Variants in CA10 observed in about 807,000 individuals in gnomAD.
The protein encoded by CA10 is carbonic anhydrase 10 (inactive), also known as carbonic anhydrase-related protein 10.
CA10 carries 14 observed loss-of-function variants against 44.2 expected under a neutral mutation model. The observed-to-expected ratio is 0.32, with a 90% CI of 0.21 to 0.50. The LOEUF (loss-of-function observed/expected upper bound fraction) is 0.50. Among genes scored for constraint, CA10 ranks in the 20% least tolerant of loss-of-function variants. The pLI is 0.99. For missense variants in CA10, 350 were observed against 409.7 expected (o/e 0.85, Z 1.26); for synonymous variants, 159 against 141.6 (o/e 1.12, Z -0.87).
intron 3 of CA10, among the ~76,000 whole-genome samples, chr17:51,914,018 T>C (rs202120): frequency 0.68 from 102,965 of 151,980 alleles, 35,230 homozygotes; most frequent in Non-Finnish European, 0.71. Context: ...TGAAATGACT[T>C]AAAGGATGAC....
At chr17:52,026,181 T>G (rs968218977) in intron 2 of CA10, among the ~76,000 whole-genome samples, 3 of 152,128 alleles carry the variant, frequency 2.0e-5, no homozygotes, top group African/African-American at 7.2e-5. Context: ...CCAAAGGGTC[T>G]TCCACTGAGG....
Position 52,158,062 on chromosome 17 carries a change from GTCTCT to G in CA10, c.-281_-277del. The G allele has an allele frequency of 1.8e-6, 1 of 540,794 alleles. No homozygotes were observed. Among genetic ancestry groups the G allele is most frequent in the Non-Finnish European group, 3.3e-6 (1 of 302,730 alleles). 33.5% of individuals were successfully genotyped at this position (540,794 alleles called of 1,614,324 possible). ...GCCTTGGAGGTCTCCCCGCTCGCGT[GTCTCT>G]TCTCTTCGCACCAGCGGCGGAAACC... On this transcript the variant is annotated 5_prime_UTR_variant, in exon 1 of 9. The change abolishes the stop of an existing upstream ORF in the 5' untranslated region. Transcript: ENST00000451037.
chr17:51,658,764 C>A (rs1353150130), intron 4 of CA10, among the ~76,000 whole-genome samples: 1 of 152,186 alleles, frequency 6.6e-6, no homozygotes, highest in Non-Finnish European at 1.5e-5. Context: ...AAAGATCTCT[C>A]TGGTGTGGAG....
At chr17:51,814,289 T>C (rs1907483464) in intron 3 of CA10, among the ~76,000 whole-genome samples, 1 of 152,234 alleles carries the variant, frequency 6.6e-6, no homozygotes, top group South Asian at 2.1e-4. Context: ...AAGTGTCTTC[T>C]TAATCTCTTC....
intron 3 of CA10, among the ~76,000 whole-genome samples, chr17:51,754,421 ATATATATATATATATATATATATATATC>A (rs1242242657): frequency 5.1e-5 from 4 of 78,400 alleles, no homozygotes; most frequent in Non-Finnish European, 8.3e-5. Context: ...ATATATATAT[ATATATATATATATATATATATATATATC>A]ACGTAAAATA....
intron 1 of CA10, among the ~76,000 whole-genome samples, chr17:52,102,203 T>C (rs1988556143): frequency 1.3e-5 from 2 of 152,184 alleles, no homozygotes; most frequent in Non-Finnish European, 1.5e-5. Flanking sequence ...ACACCAAGAT[T>C]CTCAGGAAAA....
chr17:51,815,024 T>C (rs1230094713), intron 3 of CA10, among the ~76,000 whole-genome samples: 1 of 152,136 alleles, frequency 6.6e-6, no homozygotes, highest in Non-Finnish European at 1.5e-5. Context: ...CTGAGTTGCG[T>C]TGAACATTCC....
chr17:52,102,503 A>C (rs764574998), intron 1 of CA10, among the ~76,000 whole-genome samples: 12 of 152,246 alleles, frequency 7.9e-5, no homozygotes, highest in Non-Finnish European at 1.3e-4. Context: ...ATAAATGCCA[A>C]CATTAAGAAA....
chr17:52,007,022 A>C (rs1985624150), intron 2 of CA10, among the ~76,000 whole-genome samples: 1 of 151,668 alleles, frequency 6.6e-6, no homozygotes, highest in Non-Finnish European at 1.5e-5. Context: ...TGTAGTCATT[A>C]TTATCAATGG....
At chr17:51,715,234 GA>G (rs1916065060) in intron 4 of CA10, among the ~76,000 whole-genome samples, 4 of 152,046 alleles carry the variant, frequency 2.6e-5, no homozygotes, top group South Asian at 2.1e-4. Context: ...GGGGTGGAGG[GA>G]GGGATAGCAT....
chr17:51,812,420 A>AT (rs1907406649), intron 3 of CA10, among the ~76,000 whole-genome samples: 1 of 152,184 alleles, frequency 6.6e-6, no homozygotes, highest in African/African-American at 2.4e-5. Flanking sequence ...TTGCTGTGAA[A>AT]TTCACCATAG....
At chr17:51,739,318 GC>G (rs1200274335) in intron 4 of CA10, among the ~76,000 whole-genome samples, 3 of 152,012 alleles carry the variant, frequency 2.0e-5, no homozygotes, top group African/African-American at 4.8e-5. Context: ...ATAAACGAAG[GC>G]CTCATTCAAC....
At chr17:51,875,131 C>T (rs544886422) in intron 3 of CA10, among the ~76,000 whole-genome samples, 1 of 151,902 alleles carries the variant, frequency 6.6e-6, no homozygotes, top group Non-Finnish European at 1.5e-5. Flanking sequence ...AAGACACCAC[C>T]CCCAGCTAAT....
chr17:52,011,437 A>C (rs949240684), intron 2 of CA10, among the ~76,000 whole-genome samples: 1 of 152,028 alleles, frequency 6.6e-6, no homozygotes, highest in African/African-American at 2.4e-5. Context: ...TTTGGGCATT[A>C]ATCTTTTCTA....
intron 1 of CA10, among the ~76,000 whole-genome samples, chr17:52,090,320 C>G (rs1194666650): frequency 1.3e-5 from 2 of 152,016 alleles, no homozygotes; most frequent in Admixed American, 1.3e-4. Context: ...CATGGAAGAA[C>G]AAACAAGATT....
chr17:51,774,817 TAA>T (rs1225782184), intron 3 of CA10, among the ~76,000 whole-genome samples: 3 of 152,164 alleles, frequency 2.0e-5, no homozygotes, highest in Non-Finnish European at 4.4e-5. Context: ...TTATTTTTAT[TAA>T]AAGATAGTTG....
intron 3 of CA10, among the ~76,000 whole-genome samples, chr17:51,805,066 C>A (rs1907076628): frequency 6.6e-6 from 1 of 152,194 alleles, no homozygotes; most frequent in African/African-American, 2.4e-5. Flanking sequence ...ATGTGACTGT[C>A]TTGCTGGGAC....
chr17:52,149,492 T>G (rs997822212), intron 1 of CA10, among the ~76,000 whole-genome samples: 3 of 152,178 alleles, frequency 2.0e-5, no homozygotes, highest in Non-Finnish European at 4.4e-5. Flanking sequence ...GGCTTTGTTA[T>G]AAAAGTGATC....
intron 3 of CA10, among the ~76,000 whole-genome samples, chr17:51,820,304 A>G (rs1419892942): frequency 1.4e-5 from 2 of 146,746 alleles, no homozygotes; most frequent in Admixed American, 7.0e-5. Flanking sequence ...AACCTCCCCA[A>G]CTGACACACA....
Sources: gnomAD v4.1 joint callset for allele counts (sites outside exome capture counted in the v4.1 genomes callset) on GRCh38, gnomAD v4.1.1 for gene constraint, MANE v1.5 for transcripts, NCBI Gene and HGNC (gene_info 2026-07-23, HGNC 2026-07-21) for gene names.